The following BCAR3 variants were observed in gnomAD, a reference collection of about 807,000 sequenced individuals.
BCAR3 encodes BCAR3 adaptor protein, NSP family member, also known as breast cancer anti-estrogen resistance protein 3.
In BCAR3, 37 loss-of-function variants were observed where a neutral mutation model predicts 80.1. That is an observed-to-expected ratio of 0.46 (90% CI 0.36 to 0.61). The LOEUF (loss-of-function observed/expected upper bound fraction) is 0.61, where lower values mean the gene tolerates loss of function less well. Among genes scored for constraint, BCAR3 ranks in the 20% least tolerant of loss-of-function variants. BCAR3 has a pLI of 0.00. For missense variants in BCAR3, 978 were observed against 1,068.2 expected, an observed-to-expected ratio of 0.92 and a Z score of 1.18; for synonymous variants, 389 against 418.9, an observed-to-expected ratio of 0.93 and a Z score of 0.87.
chr1:93,617,543 G>A (rs1025442816), intron 3 of BCAR3, among the ~76,000 whole-genome samples: 4 of 152,166 alleles, frequency 2.6e-5, no homozygotes, highest in South Asian at 2.1e-4. Context: ...AAGGGACATC[G>A]GTCAGGGGTG....
At chr1:93,636,413 G>T (rs1046121554) in intron 3 of BCAR3, among the ~76,000 whole-genome samples, 13 of 152,148 alleles carry the variant, frequency 8.5e-5, no homozygotes, top group African/African-American at 3.1e-4. Context: ...TAGGAATCTA[G>T]CCAGGAACAA....
rs904550237 is a variant in BCAR3, at chr1:93,681,661, G to A, written c.-75C>T. 49 of 151,856 alleles carry A rather than the reference G, an allele frequency of 3.2e-4. No homozygotes were observed. The highest frequency in any genetic ancestry group is 1.2e-3 in the African/African-American group (48 of 41,488). 9.4% of individuals were successfully genotyped at this position (151,856 alleles called of 1,614,324 possible). ...TCTGGACCTCCGGCTGGGGCTCAAAGGCGCCGCGCGGCCGGCCTCGCACCG... is the reference window on the plus strand; with the variant it reads ...TCTGGACCTCCGGCTGGGGCTCAAAAGCGCCGCGCGGCCGGCCTCGCACCG... On this transcript the variant is annotated 5_prime_UTR_variant, in exon 1 of 12. Coordinates refer to ENST00000260502, the MANE Select transcript of BCAR3 (RefSeq NM_003567.4).
intron 2 of BCAR3, among the ~76,000 whole-genome samples, chr1:93,667,218 G>A (rs908284973): frequency 3.3e-5 from 5 of 152,236 alleles, no homozygotes; most frequent in African/African-American, 7.2e-5. Context: ...TGAGCCAGGC[G>A]TCCCAGCAGA....
chr1:93,777,224 T>C (rs564271143), intron 2 of BCAR3, among the ~76,000 whole-genome samples: 1 of 152,188 alleles, frequency 6.6e-6, no homozygotes, highest in Non-Finnish European at 1.5e-5. Context: ...AGACAATAAA[T>C]TTCTGTTGTT....
intron 2 of BCAR3, among the ~76,000 whole-genome samples, chr1:93,826,012 G>A (rs2100825928): frequency 6.6e-6 from 1 of 152,208 alleles, no homozygotes; most frequent in East Asian, 1.9e-4. Context: ...TGCACAGAAG[G>A]AGTTCAGTAA....
intron 8 of BCAR3, among the ~76,000 whole-genome samples, chr1:93,574,953 C>T (rs1283387956): frequency 6.6e-6 from 1 of 152,154 alleles, no homozygotes; most frequent in Non-Finnish European, 1.5e-5. Context: ...TGGGATGTAT[C>T]CACGGCTGCG....
At chr1:93,797,814 A>G (rs960422382) in intron 2 of BCAR3, among the ~76,000 whole-genome samples, 1 of 152,240 alleles carries the variant, frequency 6.6e-6, no homozygotes, top group Admixed American at 6.5e-5. Flanking sequence ...GAATTCCTCA[A>G]AAGGAAATTA....
intron 3 of BCAR3, among the ~76,000 whole-genome samples, chr1:93,629,703 A>G (rs1189367715): frequency 6.6e-6 from 1 of 152,250 alleles, no homozygotes; most frequent in East Asian, 1.9e-4. Context: ...CTAGCAATCC[A>G]GGCCTCTCGT....
chr1:93,789,509 A>T (rs1653064964), intron 2 of BCAR3, among the ~76,000 whole-genome samples: 1 of 152,250 alleles, frequency 6.6e-6, no homozygotes, highest in African/African-American at 2.4e-5. Context: ...GATACGTATT[A>T]GTATATTTAT....
At chr1:93,778,919 G>T (rs79532162) in intron 2 of BCAR3, among the ~76,000 whole-genome samples, 1 of 152,156 alleles carries the variant, frequency 6.6e-6, no homozygotes, top group Non-Finnish European at 1.5e-5. Context: ...AAAGGAGGGT[G>T]TCTGTCTTTG....
intron 11 of BCAR3, among the ~76,000 whole-genome samples, chr1:93,565,919 A>C (rs545219573): frequency 6.6e-6 from 1 of 152,314 alleles, no homozygotes; most frequent in South Asian, 2.1e-4. Context: ...AGTAATGGAA[A>C]ATAGTCATCC....
intron 3 of BCAR3, among the ~76,000 whole-genome samples, chr1:93,695,090 C>T (rs1649341473): frequency 6.6e-6 from 1 of 152,240 alleles, no homozygotes; most frequent in Admixed American, 6.5e-5. Flanking sequence ...TGAGCATAAT[C>T]CTGTCATGCA....
At chr1:93,692,389 A>G (rs1261574106) in intron 3 of BCAR3, among the ~76,000 whole-genome samples, 2 of 152,176 alleles carry the variant, frequency 1.3e-5, no homozygotes, top group African/African-American at 2.4e-5. Context: ...TAATTTCCAG[A>G]TAGTAACACA....
At chr1:93,741,760 A>G (rs900465875) in intron 2 of BCAR3, among the ~76,000 whole-genome samples, 4 of 152,086 alleles carry the variant, frequency 2.6e-5, no homozygotes, top group African/African-American at 7.2e-5. Flanking sequence ...TAGTAGAGAC[A>G]GGGTTTCATC....
At chr1:93,575,919 G>T in intron 8 of BCAR3, 95 bp downstream of exon 8, 1 of 1,037,254 alleles carries the variant, frequency 9.6e-7, no homozygotes, top group Non-Finnish European at 1.5e-6. Context: ...CCCAGGGCTA[G>T]GCTGGTGCTG....
intron 2 of BCAR3, among the ~76,000 whole-genome samples, chr1:93,666,173 T>C (rs1647902963): frequency 6.6e-6 from 1 of 152,200 alleles, no homozygotes; most frequent in African/African-American, 2.4e-5. Context: ...AGATTTCCTT[T>C]TGCCCTACAG....
chr1:93,607,005 A>G (rs764431553), intron 3 of BCAR3, among the ~76,000 whole-genome samples: 1 of 152,134 alleles, frequency 6.6e-6, no homozygotes, highest in Non-Finnish European at 1.5e-5. Flanking sequence ...GGCCAATGGA[A>G]AGGGAGGGAG....
At chr1:93,847,409 C>T (rs1415362114), upstream of BCAR3, 1 of 153,270 alleles carries the variant, frequency 6.5e-6, no homozygotes, top group Non-Finnish European at 1.5e-5. Flanking sequence ...GGGGCGACCA[C>T]TGCGGGGAGA....
chr1:93,845,477 T>TC (rs1329813082), intron 2 of BCAR3: 5 of 2,610 alleles, frequency 1.9e-3, no homozygotes, highest in African/African-American at 6.8e-3. Flanking sequence ...TATATATATA[T>TC]ATATATATAT....
Sources: allele counts gnomAD v4.1 joint callset (sites outside exome capture counted in the v4.1 genomes callset), GRCh38; gene constraint gnomAD v4.1.1; transcripts MANE v1.5; gene names NCBI Gene and HGNC (gene_info 2026-07-23, HGNC 2026-07-21).